The following ZNF768 variants were observed in gnomAD, a reference collection of about 807,000 sequenced individuals.
The protein encoded by ZNF768 is zinc finger protein 768.
ZNF768 carries 12 observed loss-of-function variants against 39.7 expected under a neutral mutation model. The ratio of observed to expected loss-of-function variants is 0.30; its 90% CI spans 0.19 to 0.49. The LOEUF (loss-of-function observed/expected upper bound fraction) is 0.49, where lower values mean the gene tolerates loss of function less well. Ranked by LOEUF, ZNF768 falls within the 20% of genes least tolerant of loss-of-function variation. ZNF768 has a pLI of 0.99. For missense variants in ZNF768, 613 were observed against 723.2 expected (o/e 0.85, Z 1.75); for synonymous variants, 360 against 288.4 (o/e 1.25, Z -2.52).
rs1449460449 is a variant in ZNF768, at chr16:30,526,390, C to G, written c.24G>C (p.Trp8Cys). Reference sequence around the variant, plus strand: ...TCTGCACATCCTGGGGCTCGAGGCCCCACGGCAACGCCTCCCGCTCCATCC... The same window carrying G: ...TCTGCACATCCTGGGGCTCGAGGCCGCACGGCAACGCCTCCCGCTCCATCC... MEREALP[W>C]GLEPQDVQSS... is the part of the protein sequence containing the mutation. The change falls in exon 1 of 2, where the codon TGG (tryptophan) becomes TGC (cysteine). Residue 8 changes from tryptophan (W) to cysteine (C), a missense_variant. Trp to Cys is a radical substitution (Grantham distance 215). Coordinates refer to ENST00000380412, the MANE Select transcript of ZNF768 (RefSeq NM_024671.4). 3.1e-6 allele frequency: 5 copies of G among 1,599,276 alleles called. No individual in the cohort carries two copies. The African/African-American group carries it at 5.4e-5, about 17-fold the overall frequency.
chr16:30,524,402 C>G lies in ZNF768; in HGVS notation c.*115G>C. 6.9e-7 allele frequency: 1 copy of G among 1,450,050 alleles called. No individual in the cohort carries two copies. Among genetic ancestry groups the G allele is most frequent in the Non-Finnish European group, 9.1e-7 (1 of 1,099,852 alleles). 89.8% of individuals were successfully genotyped at this position (1,450,050 alleles called of 1,614,324 possible). A position where few individuals can be genotyped will look rare whatever the true frequency, so the allele number is the denominator to read the frequency against. On this transcript the variant is annotated 3_prime_UTR_variant, in exon 2 of 2. Coordinates refer to ENST00000380412, the MANE Select transcript of ZNF768 (RefSeq NM_024671.4). The stretch of plus-strand genomic sequence containing the variant: ...CTCCACCCTGGTTCTCTTCTTCCAG[C>G]ATCCTCAGCTCCTCCATTCTCCTGC...
At chr16:30,526,923 C>G (rs1478702096), upstream of ZNF768, 2 of 985,410 alleles carry the variant, frequency 2.0e-6, no homozygotes, top group Non-Finnish European at 2.4e-6. Context: ...TGGAGGGGCC[C>G]GGCCACGGGG....
Position 30,525,159 on chromosome 16 carries a change from G to A in ZNF768, c.981C>T (p.Ala327=). 1.2e-6 allele frequency: 2 copies of A among 1,613,968 alleles called. No individual in the cohort carries two copies. The highest frequency in any genetic ancestry group is 1.7e-6 in the Non-Finnish European group (2 of 1,179,970). The part of the protein sequence containing the change: ...YKCPRCGKAF[A]DSSYLLRHQR... ...GGTGGCGAAGCAGGTAAGAGCTGTCGGCGAAGGCCTTGCCGCAACGGGGAC... is the reference window on the plus strand; with the variant it reads ...GGTGGCGAAGCAGGTAAGAGCTGTCAGCGAAGGCCTTGCCGCAACGGGGAC... The change falls in exon 2 of 2, where the codon GCC becomes GCT. Residue 327 remains alanine, a synonymous_variant. Coordinates refer to ENST00000380412, the MANE Select transcript of ZNF768 (RefSeq NM_024671.4).
rs1597118242 is a variant in ZNF768, at chr16:30,525,539, CCT to C, written c.599_600del (p.Gln200ArgfsTer17). On this transcript the variant is annotated frameshift_variant, in exon 2 of 2. Coordinates refer to ENST00000380412, the MANE Select transcript of ZNF768 (RefSeq NM_024671.4). LOFTEE classifies it high-confidence loss of function. ...TCCCCTGTGGGCTGCTCCCCAAACCCCTGAGTGAAGGAGTCCAGGGGGTGAAC... is the reference window on the plus strand; with the variant it reads ...TCCCCTGTGGGCTGCTCCCCAAACCCGAGTGAAGGAGTCCAGGGGGTGAAC... ...VGVHPLDSFT[Q>X]GFGEQPTGDL... 1 of 1,614,240 alleles carries C rather than the reference CCT, an allele frequency of 6.2e-7. No homozygotes were observed. The highest frequency in any genetic ancestry group is 8.5e-7 in the Non-Finnish European group (1 of 1,180,038).
At chr16:30,532,142 C>A in the ZNF768 span, 1 of 300,102 alleles carries the variant, frequency 3.3e-6, no homozygotes, top group Non-Finnish European at 6.3e-6. Context: ...GAGCAAAACT[C>A]CGTCTCAAAA....
upstream of ZNF768, among the ~76,000 whole-genome samples, chr16:30,528,790 C>T (rs1410805660): frequency 6.6e-6 from 1 of 152,202 alleles, no homozygotes; most frequent in Admixed American, 6.6e-5. Context: ...ATGGGGTACC[C>T]TCTGGTCATC....
rs573176817 is a variant in ZNF768, at chr16:30,526,548, C to A, written c.-135G>T. The A allele has an allele frequency of 4.6e-6, 5 of 1,075,826 alleles. No individual in the cohort carries two copies. The East Asian group carries it at 3.3e-4, about 72-fold the overall frequency. 66.6% of individuals were successfully genotyped at this position (1,075,826 alleles called of 1,614,324 possible). Reference sequence around the variant, plus strand: ...AGGGGACTCGGCGGCCCAGCCCGGGCCCCCGAGGCCGGACGTCTTGACCCC... The same window carrying A: ...AGGGGACTCGGCGGCCCAGCCCGGGACCCCGAGGCCGGACGTCTTGACCCC... On this transcript the variant is annotated 5_prime_UTR_variant, in exon 1 of 2. Transcript: ENST00000380412.
chr16:30,525,939 T>C lies in ZNF768; in HGVS notation c.201A>G (p.Pro67=). The C allele has an allele frequency of 6.6e-7, 1 of 1,514,322 alleles. No homozygotes were observed. The highest frequency in any genetic ancestry group is 8.8e-7 in the Non-Finnish European group (1 of 1,134,404). 93.8% of individuals were successfully genotyped at this position (1,514,322 alleles called of 1,614,324 possible). The change falls in exon 2 of 2, where the codon CCA becomes CCG. Residue 67 remains proline (P), a synonymous_variant. Coordinates refer to ENST00000380412, the MANE Select transcript of ZNF768 (RefSeq NM_024671.4). ...GLEPQSPGFE[P]QSPEFEPQSP... The stretch of plus-strand genomic sequence containing the variant: ...TTTGGGGTTCAAACTCTGGGCTTTG[T>C]GGCTCAAACCCAGGGCTCTGGGGTT...
chr16:30,526,782 G>A (rs903785560), upstream of ZNF768: 11 of 209,586 alleles, frequency 5.2e-5, no homozygotes, highest in Non-Finnish European at 5.3e-5. Flanking sequence ...ACTGTCCAAC[G>A]GCCGCCCAGC....
In ZNF768 at chr16:30,525,900, C is replaced by T. The variant is rs1292363533; in HGVS notation, c.240G>A (p.Glu80=). Residue 80 remains glutamate, a synonymous_variant, in exon 2 of 2, where the codon GAG becomes GAA. Coordinates refer to ENST00000380412, the MANE Select transcript of ZNF768 (RefSeq NM_024671.4). ...PEFEPQSPRF[E]PESPGFESRS... ...GGGACTCAAACCCCGGGCTTTCAGG[C>T]TCAAATCTGGGGCTTTGGGGTTCAA... The T allele has an allele frequency of 3.9e-6, 6 of 1,519,312 alleles. No homozygotes were observed. The highest frequency in any genetic ancestry group is 1.4e-5 in the South Asian group (1 of 73,794). 94.1% of individuals were successfully genotyped at this position (1,519,312 alleles called of 1,614,324 possible).
rs910472677 is a variant in ZNF768, at chr16:30,524,273, G to C, written c.*244C>G. On this transcript the variant is annotated 3_prime_UTR_variant, in exon 2 of 2. Coordinates refer to ENST00000380412, the MANE Select transcript of ZNF768 (RefSeq NM_024671.4). ...GCACCCACCAAGGAGCCGCGGCTGA[G>C]GCCAGCCCTCCGCTGACCTCTCTCC... 319 of 542,310 alleles carry C rather than the reference G, an allele frequency of 5.9e-4. 2 individuals carry two copies. Among genetic ancestry groups the C allele is most frequent in the Non-Finnish European group, 8.7e-4 (287 of 329,644 alleles). 33.6% of individuals were successfully genotyped at this position (542,310 alleles called of 1,614,324 possible). A position where few individuals can be genotyped will look rare whatever the true frequency, so the allele number is the denominator to read the frequency against.
At position 30,526,535 on chromosome 16, in the gene ZNF768, G is replaced by C. The variant is rs889579169; in HGVS notation, c.-122C>G. ...CTCAGCGCCGCCCAGGGGACTCGGCGGCCCAGCCCGGGCCCCCGAGGCCGG... is the reference window on the plus strand; with the variant it reads ...CTCAGCGCCGCCCAGGGGACTCGGCCGCCCAGCCCGGGCCCCCGAGGCCGG... On this transcript the variant is annotated 5_prime_UTR_variant, in exon 1 of 2. Transcript: ENST00000380412. 14 of 1,098,512 alleles carry C rather than the reference G, an allele frequency of 1.3e-5. No individual in the cohort carries two copies. The African/African-American group carries it at 2.4e-4, about 19-fold the overall frequency. The allele number at this position is 1,098,512 out of a possible 1,614,324, so 68.0% of individuals were successfully genotyped here.
Position 30,524,317 on chromosome 16 carries a change from C to G in ZNF768, c.*200G>C. The G allele has an allele frequency of 2.3e-6, 2 of 879,924 alleles. No homozygotes were observed. The highest frequency in any genetic ancestry group is 3.3e-6 in the Non-Finnish European group (2 of 604,420). 54.5% of individuals were successfully genotyped at this position (879,924 alleles called of 1,614,324 possible). On this transcript the variant is annotated 3_prime_UTR_variant, in exon 2 of 2. Transcript: ENST00000380412. ...TCTCTCCATTTCTCCCAGGGCCTCC[C>G]GCTGCCGGCCTGGCCTCCCTCCAAC...
upstream of ZNF768, chr16:30,531,490 G>A (rs1394169832): frequency 6.6e-6 from 1 of 152,216 alleles, no homozygotes; most frequent in African/African-American, 2.4e-5. Context: ...TTTAGGTTGT[G>A]CAGCAAAAAG....
chr16:30,525,994 T>C lies in ZNF768; in HGVS notation c.146A>G (p.Tyr49Cys), dbSNP rs868706512. The C allele has an allele frequency of 6.7e-7, 1 of 1,502,492 alleles. No homozygotes were observed. Among genetic ancestry groups the C allele is most frequent in the South Asian group, 1.4e-5 (1 of 71,304 alleles). The allele number at this position is 1,502,492 out of a possible 1,614,324, so 93.1% of individuals were successfully genotyped here. A position where few individuals can be genotyped will look rare whatever the true frequency, so the allele number is the denominator to read the frequency against. The change falls in exon 2 of 2, where the codon TAT (tyrosine) becomes TGT (cysteine). Residue 49 changes from tyrosine to cysteine, a missense_variant. Physicochemically the swap from Tyr to Cys is radical, Grantham distance 194. This residue lies in a region of ZNF768 where 347 missense variants were observed against 326.1 expected (regional missense o/e 1.06). Transcript: ENST00000380412. ...CCCAAATGGTATCTCTTCGACTTCA[T>C]AGTCCCCACTGCCTTCTTGCTGAGA... ...EISQQEGSGD[Y>C]EVEEIPFGLE... is the part of the protein sequence containing the mutation.
chr16:30,528,714 A>G (rs17839547), upstream of ZNF768, among the ~76,000 whole-genome samples: 4,611 of 152,260 alleles, frequency 0.03, 215 homozygotes, highest in African/African-American at 0.1. Flanking sequence ...AATGGCTTAC[A>G]TGGTCCAGCA....
At position 30,524,446 on chromosome 16, in the gene ZNF768, C is replaced by T. The variant is rs899351272; in HGVS notation, c.*71G>A. 13 of 1,531,002 alleles carry T rather than the reference C, an allele frequency of 8.5e-6. No individual in the cohort carries two copies. The highest frequency in any genetic ancestry group is 1.1e-5 in the Non-Finnish European group (13 of 1,148,634). 94.8% of individuals were successfully genotyped at this position (1,531,002 alleles called of 1,614,324 possible). On this transcript the variant is annotated 3_prime_UTR_variant, in exon 2 of 2. Transcript: ENST00000380412. Reference sequence around the variant, plus strand: ...CTCCTGCGGCTTCTCCACTATCCTCCCTAAAGGTTCCTCTAGCTCCCTGGC... The same window carrying T: ...CTCCTGCGGCTTCTCCACTATCCTCTCTAAAGGTTCCTCTAGCTCCCTGGC...
chr16:30,525,829 C>T lies in ZNF768; in HGVS notation c.311G>A (p.Ser104Asn). Residue 104 changes from serine (S) to asparagine (N), a missense_variant, in exon 2 of 2, where the codon AGC (serine) becomes AAC (asparagine). Ser to Asn is a conservative substitution (Grantham distance 46, BLOSUM62 1). This residue lies in a region of ZNF768 where 347 missense variants were observed against 326.1 expected (regional missense o/e 1.06). Coordinates refer to ENST00000380412, the MANE Select transcript of ZNF768 (RefSeq NM_024671.4). Reference protein sequence around the residue: ...VPPSPEFAPRSPESDSQSPEF... With the variant: ...VPPSPEFAPRNPESDSQSPEF... ...AGGGCTCTGAGAATCTGATTCAGGG[C>T]TTCTGGGTGCAAACTCAGGGCTTGG... 6.5e-7 allele frequency: 1 copy of T among 1,534,584 alleles called. No homozygotes were observed. The highest frequency in any genetic ancestry group is 8.7e-7 in the Non-Finnish European group (1 of 1,145,928).
chr16:30,532,303 G>A, the ZNF768 span: 1 of 650,130 alleles, frequency 1.5e-6, no homozygotes, highest in South Asian at 1.9e-5. Flanking sequence ...AGCAAAGGGG[G>A]CCTTGGAGAG....
Sources: gnomAD v4.1 joint callset for allele counts (sites outside exome capture counted in the v4.1 genomes callset) on GRCh38, gnomAD v4.1.1 for gene constraint, gnomAD v4.1.1 regional missense constraint, MANE v1.5 for transcripts, NCBI Gene and HGNC (gene_info 2026-07-23, HGNC 2026-07-21) for gene names.